Variants in HNRNPLL observed in about 807,000 individuals in gnomAD.
HNRNPLL encodes heterogeneous nuclear ribonucleoprotein L like.
A neutral mutation model predicts 67.1 loss-of-function variants in HNRNPLL; 25 were observed. The observed-to-expected ratio is 0.37, with a 90% CI of 0.27 to 0.52. The LOEUF (loss-of-function observed/expected upper bound fraction) is 0.52, where lower values mean the gene tolerates loss of function less well. HNRNPLL is among the 20% of genes least tolerant of loss of function. The pLI, the probability that HNRNPLL is intolerant of heterozygous loss-of-function variation, is 0.90. For missense variants in HNRNPLL, 542 were observed against 673.9 expected (o/e 0.80, Z 2.17); for synonymous variants, 267 against 241.7 (o/e 1.10, Z -0.97).
intron 9 of HNRNPLL, among the ~76,000 whole-genome samples, 184 bp from the exon 10 acceptor site, chr2:38,569,518 TAGAA>T (rs1665989901): frequency 6.6e-6 from 1 of 152,118 alleles, no homozygotes; most frequent in African/African-American, 2.4e-5. Flanking sequence ...AGACATCAAT[TAGAA>T]AGAAAATCTA....
chr2:38,562,303 C>T lies in HNRNPLL; in HGVS notation c.*1879G>A, dbSNP rs1345250674. On this transcript the variant is annotated 3_prime_UTR_variant, in exon 13 of 13. Transcript: ENST00000449105. ...GCCCAACTTACCAACTAGTTTACTC[C>T]CAAACAATTCACTTATTTTGGTGGA... 6.6e-6 allele frequency: 1 copy of T among 152,088 alleles called. No individual in the cohort carries two copies. The highest frequency in any genetic ancestry group is 2.4e-5 in the African/African-American group (1 of 41,410). The allele number at this position is 152,088 out of a possible 1,614,324, so 9.4% of individuals were successfully genotyped here.
intron 1 of HNRNPLL, among the ~76,000 whole-genome samples, chr2:38,594,123 C>T (rs1667078911): frequency 1.3e-5 from 2 of 151,800 alleles, no homozygotes; most frequent in South Asian, 2.1e-4. Flanking sequence ...TGCAGTGAGC[C>T]GAGATTGCGC....
chr2:38,590,264 T>C (rs1666905783), intron 2 of HNRNPLL, among the ~76,000 whole-genome samples: 1 of 152,200 alleles, frequency 6.6e-6, no homozygotes, highest in South Asian at 2.1e-4. Context: ...AAATAACCCA[T>C]TTCTGCTGGA....
chr2:38,588,079 G>A (rs1285027520), intron 2 of HNRNPLL, among the ~76,000 whole-genome samples: 2 of 152,070 alleles, frequency 1.3e-5, no homozygotes, highest in Non-Finnish European at 1.5e-5. Flanking sequence ...AGAAGCAGAA[G>A]ACTGTATAGC....
chr2:38,602,136 A>AC, intron 1 of HNRNPLL: 5 of 402,852 alleles, frequency 1.2e-5, no homozygotes, highest in South Asian at 3.4e-5. Context: ...GAGCCGCGAA[A>AC]CCCCCCAGAG....
intron 6 of HNRNPLL, chr2:38,578,117 A>G (rs1558535129): frequency 4.7e-6 from 2 of 425,382 alleles, no homozygotes; most frequent in Non-Finnish European, 9.8e-6. Flanking sequence ...CTCATATTAT[A>G]TCATGAATAG....
chr2:38,575,057 G>A (rs1666247331), intron 7 of HNRNPLL, among the ~76,000 whole-genome samples: 1 of 151,754 alleles, frequency 6.6e-6, no homozygotes, highest in Non-Finnish European at 1.5e-5. Context: ...TAGACAGGCA[G>A]TGGAAACTTT....
At chr2:38,564,295 G>GA in intron 12 of HNRNPLL, 58 bp from the exon 13 acceptor site, 1 of 900,906 alleles carries the variant, frequency 1.1e-6, no homozygotes, top group Non-Finnish European at 1.9e-6. Flanking sequence ...AGATCACCTT[G>GA]AAGTATCAGA....
chr2:38,583,679 G>A (rs17493573), intron 4 of HNRNPLL, among the ~76,000 whole-genome samples, 162 bp downstream of exon 4: 18,630 of 152,176 alleles, frequency 0.12, 1,226 homozygotes, highest in African/African-American at 0.14. Flanking sequence ...ATCATAAATA[G>A]TAAAATTCCC....
At position 38,563,312 on chromosome 2, in the gene HNRNPLL, G is replaced by A. The variant is rs555944616; in HGVS notation, c.*870C>T. On this transcript the variant is annotated 3_prime_UTR_variant, in exon 13 of 13. Transcript: ENST00000449105. ...ATACATATTACTGATGGATCCAAGA[G>A]TTAAAAAATAAAAATGTAAATATCC... The A allele has an allele frequency of 2.0e-5, 3 of 152,146 alleles. No individual in the cohort carries two copies. Among genetic ancestry groups the A allele is most frequent in the Admixed American group, 6.5e-5 (1 of 15,286 alleles). The allele number at this position is 152,146 out of a possible 1,614,324, so 9.4% of individuals were successfully genotyped here.
chr2:38,590,476 C>T (rs140109789), intron 2 of HNRNPLL, among the ~76,000 whole-genome samples: 1 of 152,266 alleles, frequency 6.6e-6, no homozygotes, highest in Non-Finnish European at 1.5e-5. Flanking sequence ...TAAACATATT[C>T]ATCAAGGAAA....
At chr2:38,566,471 A>C (rs186797064) in intron 12 of HNRNPLL, among the ~76,000 whole-genome samples, 2 of 152,226 alleles carry the variant, frequency 1.3e-5, no homozygotes, top group Admixed American at 6.5e-5. Flanking sequence ...AAATTAAAAC[A>C]ACCAAATACC....
rs1667046424 is a variant in HNRNPLL, at chr2:38,593,462, G to C, written c.190-1814C>G. ...AGATACAATTAAGAGAATCATTTCA[G>C]TTCATTCTTAGAAATCAGGTGGCAA... On this transcript the variant is annotated intron_variant, in intron 1 of 12. Coordinates refer to ENST00000449105, the MANE Select transcript of HNRNPLL (RefSeq NM_138394.4). 2.6e-5 allele frequency among the ~76,000 whole-genome samples: 4 copies of C among 152,306 alleles called. 1 individual carries two copies. In the South Asian group the frequency reaches 8.3e-4, roughly 32 times the overall value.
intron 1 of HNRNPLL, among the ~76,000 whole-genome samples, chr2:38,596,213 T>G (rs1667182933): frequency 6.6e-6 from 1 of 152,228 alleles, no homozygotes; most frequent in Non-Finnish European, 1.5e-5. Context: ...CTTAAATCAC[T>G]TCTTTACCTG....
intron 1 of HNRNPLL, among the ~76,000 whole-genome samples, chr2:38,596,161 A>C (rs1474945030): frequency 6.6e-6 from 1 of 151,876 alleles, no homozygotes; most frequent in Non-Finnish European, 1.5e-5. Flanking sequence ...TCCTCTCCTG[A>C]GCTTCGTTTT....
intron 9 of HNRNPLL, 53 bp downstream of exon 9, chr2:38,569,751 G>A (rs1991743): frequency 0.044 from 44,181 of 997,430 alleles, 1,088 homozygotes; most frequent in South Asian, 0.052. Context: ...TAATAAAAAG[G>A]ACAAAGATTT....
chr2:38,590,978 T>A (rs534134652), intron 2 of HNRNPLL, among the ~76,000 whole-genome samples: 1 of 152,250 alleles, frequency 6.6e-6, no homozygotes, highest in East Asian at 1.9e-4. Context: ...ACACTCCAGC[T>A]TGGGCAACAG....
chr2:38,588,546 C>CAAAAAAAAA (rs70954733), intron 2 of HNRNPLL, among the ~76,000 whole-genome samples: 606 of 50,878 alleles, frequency 0.012, 31 homozygotes, highest in East Asian at 0.032. Context: ...AACTCCATCT[C>CAAAAAAAAA]AAAAAAAAAA....
chr2:38,590,659 A>G (rs1666924713), intron 2 of HNRNPLL, among the ~76,000 whole-genome samples: 1 of 152,124 alleles, frequency 6.6e-6, no homozygotes, highest in Non-Finnish European at 1.5e-5. Context: ...GGGAAGAGAC[A>G]GGGGGAGCCT....
Sources: gnomAD v4.1 joint callset for allele counts (sites outside exome capture counted in the v4.1 genomes callset) on GRCh38, gnomAD v4.1.1 for gene constraint, MANE v1.5 for transcripts, NCBI Gene and HGNC (gene_info 2026-07-23, HGNC 2026-07-21) for gene names.